Variants in HNMT observed in about 807,000 individuals in gnomAD.
HNMT encodes histamine N-methyltransferase.
Under a neutral mutation model 32.1 loss-of-function variants are expected in HNMT, and 30 were observed. The observed-to-expected ratio is 0.93, with a 90% CI of 0.70 to 1.27. The LOEUF (loss-of-function observed/expected upper bound fraction) is 1.27. HNMT is among the 50% of genes most tolerant of loss of function. The pLI, the probability that HNMT is intolerant of heterozygous loss-of-function variation, is 0.00. For synonymous variants in HNMT, 125 were observed against 119.0 expected (o/e 1.05, Z -0.33); for missense variants, 327 against 346.0 (o/e 0.95, Z 0.43).
intron 5 of HNMT, among the ~76,000 whole-genome samples, chr2:138,006,574 A>G (rs1681337247): frequency 6.6e-6 from 1 of 152,026 alleles, no homozygotes; most frequent in Non-Finnish European, 1.5e-5. Context: ...TGAATAGTCC[A>G]CAAGTAACTG....
chr2:137,977,351 C>T (rs995929492), intron 2 of HNMT, among the ~76,000 whole-genome samples: 36 of 152,104 alleles, frequency 2.4e-4, no homozygotes, highest in Non-Finnish European at 4.7e-4. Flanking sequence ...TCCTGACAGT[C>T]ATGCTGTATA....
intron 5 of HNMT, among the ~76,000 whole-genome samples, chr2:138,007,350 A>T (rs943659045): frequency 1.3e-5 from 2 of 151,946 alleles, no homozygotes; most frequent in Admixed American, 6.6e-5. Context: ...AATTTTTTTT[A>T]AAACCTACTT....
At chr2:137,981,597 G>T in intron 2 of HNMT, 1 of 537,624 alleles carries the variant, frequency 1.9e-6, no homozygotes, top group Non-Finnish European at 3.3e-6. Context: ...TTTAGTGGGT[G>T]CTCAATAATA....
intron 2 of HNMT, among the ~76,000 whole-genome samples, chr2:137,985,757 G>A (rs896740599): frequency 6.6e-6 from 1 of 152,166 alleles, no homozygotes; most frequent in Non-Finnish European, 1.5e-5. Flanking sequence ...ATAAGGTATA[G>A]TCACATCTTC....
chr2:137,994,906 C>T (rs770058418), intron 2 of HNMT, among the ~76,000 whole-genome samples: 1 of 152,136 alleles, frequency 6.6e-6, no homozygotes, highest in African/African-American at 2.4e-5. Flanking sequence ...CAACCTGCTC[C>T]TGAATGACTC....
At chr2:138,013,686 G>A in intron 5 of HNMT, 89 bp from the exon 6 acceptor site, 1 of 897,966 alleles carries the variant, frequency 1.1e-6, no homozygotes, top group Non-Finnish European at 1.7e-6. Flanking sequence ...TTATTATTTT[G>A]TTCTATTCTA....
At chr2:137,996,973 A>G (rs564169377) in intron 2 of HNMT, among the ~76,000 whole-genome samples, 1 of 152,330 alleles carries the variant, frequency 6.6e-6, no homozygotes, top group South Asian at 2.1e-4. Context: ...AGCCATATGC[A>G]GAAAACTGAA....
At chr2:138,013,000 C>A (rs1247575462) in intron 5 of HNMT, among the ~76,000 whole-genome samples, 2 of 152,158 alleles carry the variant, frequency 1.3e-5, no homozygotes, top group Admixed American at 6.5e-5. Flanking sequence ...CCAGGGTGAC[C>A]TTATTAAATG....
intron 2 of HNMT, among the ~76,000 whole-genome samples, chr2:137,980,649 G>C (rs1680464659): frequency 6.6e-6 from 1 of 152,084 alleles, no homozygotes; most frequent in Non-Finnish European, 1.5e-5. Context: ...TAGACTTCCT[G>C]ATGTTGCAAA....
At chr2:138,012,695 C>T (rs76825075) in intron 5 of HNMT, among the ~76,000 whole-genome samples, 1 of 152,024 alleles carries the variant, frequency 6.6e-6, no homozygotes, top group Admixed American at 6.6e-5. Context: ...CAAAACTGCT[C>T]GTCTTCATTC....
intron 2 of HNMT, chr2:137,981,574 T>A: frequency 1.8e-6 from 1 of 562,894 alleles, no homozygotes; most frequent in Non-Finnish European, 3.2e-6. Flanking sequence ...TCTCCAATGG[T>A]TAGAACCTGA....
At chr2:138,000,603 T>C (rs1297715728) in intron 2 of HNMT, among the ~76,000 whole-genome samples, 1 of 152,032 alleles carries the variant, frequency 6.6e-6, no homozygotes, top group Admixed American at 6.6e-5. Context: ...GTGGCTTTTT[T>C]CTAACTTGGT....
chr2:137,972,231 G>A (rs1449828707), intron 2 of HNMT, among the ~76,000 whole-genome samples: 1 of 151,910 alleles, frequency 6.6e-6, no homozygotes. Flanking sequence ...TCAGTCTCCC[G>A]AGTAGCTGGG....
At chr2:137,973,260 C>T (rs1268101794) in intron 2 of HNMT, among the ~76,000 whole-genome samples, 1 of 152,146 alleles carries the variant, frequency 6.6e-6, no homozygotes, top group African/African-American at 2.4e-5. Context: ...CACTCTACTT[C>T]AGTTAGTTTG....
At chr2:137,969,921 G>T (rs1444472140) in intron 1 of HNMT, among the ~76,000 whole-genome samples, 3 of 151,988 alleles carry the variant, frequency 2.0e-5, no homozygotes, top group Non-Finnish European at 4.4e-5. Context: ...ATGGCATTTT[G>T]TACCTCTGAT....
At chr2:138,002,041 G>GTT in intron 3 of HNMT, 23 bp from the exon 4 acceptor site, 1 of 1,497,986 alleles carries the variant, frequency 6.7e-7, no homozygotes, top group Non-Finnish European at 8.9e-7. Context: ...TTGATGGTGT[G>GTT]TCACCTCTTC....
intron 5 of HNMT, among the ~76,000 whole-genome samples, chr2:138,013,148 C>T (rs1409600738): frequency 6.6e-6 from 1 of 152,116 alleles, no homozygotes; most frequent in African/African-American, 2.4e-5. Flanking sequence ...CCTAAGCCAC[C>T]TTTCAAGTGC....
chr2:137,965,976 T>C (rs943628422), intron 1 of HNMT, among the ~76,000 whole-genome samples: 1 of 152,248 alleles, frequency 6.6e-6, no homozygotes, highest in African/African-American at 2.4e-5. Flanking sequence ...GGCACACTGT[T>C]TGTCTTATAA....
chr2:138,004,988 G>A (rs918824898), intron 4 of HNMT, 144 bp from the exon 5 acceptor site: 50 of 570,684 alleles, frequency 8.8e-5, no homozygotes, highest in Non-Finnish European at 1.3e-4. Flanking sequence ...TTCATGCAAC[G>A]TCTTTAATCT....
Sources: allele counts gnomAD v4.1 joint callset (sites outside exome capture counted in the v4.1 genomes callset), GRCh38; gene constraint gnomAD v4.1.1; transcripts MANE v1.5; gene names NCBI Gene and HGNC (gene_info 2026-07-23, HGNC 2026-07-21).